CPED1: variants seen among roughly 807,000 people sequenced by gnomAD.
CPED1 encodes cadherin-like and PC-esterase domain-containing protein 1.
In CPED1, 114 loss-of-function variants were observed where a neutral mutation model predicts 128.2. The ratio of observed to expected loss-of-function variants is 0.89; its 90% CI spans 0.76 to 1.04. CPED1 has a LOEUF of 1.04. Ranked by LOEUF, CPED1 falls within the 50% of genes least tolerant of loss-of-function variation. CPED1 has a pLI of 0.00. For missense variants in CPED1, 1,211 were observed against 1,207.1 expected, an observed-to-expected ratio of 1.00 and a Z score of -0.05; for synonymous variants, 462 against 426.7, an observed-to-expected ratio of 1.08 and a Z score of -1.02.
intron 2 of CPED1, among the ~76,000 whole-genome samples, chr7:121,004,525 A>C (rs1240600584): frequency 6.6e-6 from 1 of 151,950 alleles, no homozygotes; most frequent in Admixed American, 6.6e-5. Context: ...CCATTGCAGA[A>C]CTCTGGGCTG....
chr7:121,090,202 T>G (rs1328785828), intron 5 of CPED1, among the ~76,000 whole-genome samples: 1 of 152,136 alleles, frequency 6.6e-6, no homozygotes, highest in African/African-American at 2.4e-5. Flanking sequence ...AGCATTTGAT[T>G]GAGTGGTTAG....
At chr7:121,022,228 GA>G (rs1792461808) in intron 3 of CPED1, among the ~76,000 whole-genome samples, 1 of 151,902 alleles carries the variant, frequency 6.6e-6, no homozygotes, top group Admixed American at 6.6e-5. Flanking sequence ...ATTCACTCAG[GA>G]AACTCATATT....
At chr7:121,046,585 A>G (rs1391214130) in intron 3 of CPED1, among the ~76,000 whole-genome samples, 1 of 152,032 alleles carries the variant, frequency 6.6e-6, no homozygotes, top group Non-Finnish European at 1.5e-5. Context: ...GATTTAAGGT[A>G]TTCTAATTTC....
chr7:121,136,090 G>A lies in CPED1; in HGVS notation c.1699G>A (p.Asp567Asn), dbSNP rs766516373. The change falls in exon 14 of 23, where the codon GAT (aspartate) becomes AAT (asparagine). Residue 567 changes from aspartate to asparagine, a missense_variant and splice_region_variant. Coordinates refer to ENST00000310396, the MANE Select transcript of CPED1 (RefSeq NM_024913.5). Reference protein sequence around the residue: ...NENKEIHCSDDENTPCHIKQI... With the variant: ...NENKEIHCSDNENTPCHIKQI... ...AAATAAAGAAATACATTGCAGTGAT[G>A]GTGAGTTGAGATTAAAGTGTTGTAG... 10 of 1,546,730 alleles carry A rather than the reference G, an allele frequency of 6.5e-6. No individual in the cohort carries two copies. The highest frequency in any genetic ancestry group is 1.7e-4 in the Middle Eastern group (1 of 5,882).
At chr7:121,059,680 T>C (rs1027365794) in intron 4 of CPED1, among the ~76,000 whole-genome samples, 1 of 102,804 alleles carries the variant, frequency 9.7e-6, no homozygotes, top group African/African-American at 2.7e-5. Context: ...TAAATGGTTA[T>C]AATTAATATA....
At chr7:121,210,214 T>C (rs1303601504) in intron 16 of CPED1, among the ~76,000 whole-genome samples, 1 of 151,972 alleles carries the variant, frequency 6.6e-6, no homozygotes. Flanking sequence ...TTGGTGGGAA[T>C]GTAAATTAGT....
At chr7:121,190,391 CAA>C (rs368606501) in intron 16 of CPED1, among the ~76,000 whole-genome samples, 19 of 97,338 alleles carry the variant, frequency 2.0e-4, no homozygotes, top group South Asian at 3.8e-4. Context: ...GACTCTGTAT[CAA>C]AAAAAAAAAA....
chr7:121,165,031 A>G (rs1796491754), intron 16 of CPED1, among the ~76,000 whole-genome samples: 1 of 152,128 alleles, frequency 6.6e-6, no homozygotes, highest in Non-Finnish European at 1.5e-5. Context: ...AACTCTCTGA[A>G]ATTTTAAAAT....
chr7:121,236,359 A>C (rs1165479212), intron 16 of CPED1, among the ~76,000 whole-genome samples: 1 of 152,158 alleles, frequency 6.6e-6, no homozygotes, highest in Non-Finnish European at 1.5e-5. Context: ...AATTCTCTCC[A>C]AATAGTTCCC....
At chr7:121,021,087 A>T (rs1792426750) in intron 3 of CPED1, among the ~76,000 whole-genome samples, 1 of 151,928 alleles carries the variant, frequency 6.6e-6, no homozygotes, top group Admixed American at 6.6e-5. Flanking sequence ...ATTAAACTTG[A>T]TACAGTGTGT....
At chr7:121,212,754 T>C (rs1320361088) in intron 16 of CPED1, among the ~76,000 whole-genome samples, 1 of 151,960 alleles carries the variant, frequency 6.6e-6, no homozygotes, top group East Asian at 1.9e-4. Flanking sequence ...TAAAAACACA[T>C]GACAAATGAG....
At chr7:121,264,004 G>A (rs1337052003) in intron 18 of CPED1, among the ~76,000 whole-genome samples, 1 of 151,984 alleles carries the variant, frequency 6.6e-6, no homozygotes, top group Non-Finnish European at 1.5e-5. Context: ...TTGAAGAGCT[G>A]ATTAAGGTAA....
chr7:121,285,313 G>A (rs548063315), intron 22 of CPED1, among the ~76,000 whole-genome samples: 1 of 152,274 alleles, frequency 6.6e-6, no homozygotes, highest in East Asian at 1.9e-4. Flanking sequence ...CCAGTCCTGT[G>A]ATGGGAGGGG....
intron 4 of CPED1, chr7:121,051,370 C>CTT (rs35482486): frequency 0.034 from 12,576 of 368,400 alleles, 3 homozygotes; most frequent in South Asian, 0.048. Context: ...ATGTAAATGC[C>CTT]TTTTTTTTTT....
intron 3 of CPED1, among the ~76,000 whole-genome samples, chr7:121,033,369 C>T (rs964323866): frequency 3.9e-5 from 6 of 152,172 alleles, no homozygotes; most frequent in Non-Finnish European, 8.8e-5. Context: ...ACATAGAAGT[C>T]ACATTTTGTT....
intron 16 of CPED1, among the ~76,000 whole-genome samples, chr7:121,228,993 A>G (rs1179583664): frequency 2.0e-5 from 3 of 151,970 alleles, no homozygotes; most frequent in Non-Finnish European, 2.9e-5. Flanking sequence ...AGTGGGGGTA[A>G]GGAGGGAGGA....
intron 22 of CPED1, among the ~76,000 whole-genome samples, chr7:121,279,579 A>T (rs1178758861): frequency 6.6e-6 from 1 of 152,126 alleles, no homozygotes; most frequent in Non-Finnish European, 1.5e-5. Context: ...GAGAAGAGAA[A>T]TACTAGCTGT....
chr7:121,070,659 C>T (rs1793961572), intron 5 of CPED1, among the ~76,000 whole-genome samples: 1 of 152,046 alleles, frequency 6.6e-6, no homozygotes, highest in Admixed American at 6.6e-5. Flanking sequence ...CATTCAAATT[C>T]CCATTTAATT....
At chr7:121,120,382 C>T (rs1319535177) in intron 7 of CPED1, among the ~76,000 whole-genome samples, 1 of 152,162 alleles carries the variant, frequency 6.6e-6, no homozygotes, top group Non-Finnish European at 1.5e-5. Flanking sequence ...TTCTAATTTG[C>T]ATTTCCCTAA....
Sources: allele counts gnomAD v4.1 joint callset (sites outside exome capture counted in the v4.1 genomes callset), GRCh38; gene constraint gnomAD v4.1.1; transcripts MANE v1.5; gene names NCBI Gene and HGNC (gene_info 2026-07-23, HGNC 2026-07-21).